BMAL1: variants seen among roughly 807,000 people sequenced by gnomAD.
BMAL1 encodes basic helix-loop-helix ARNT like 1.
At chr11:13,338,722 T>A in the BMAL1 span, among the ~76,000 whole-genome samples, 1 of 152,236 alleles carries the variant, frequency 6.6e-6, no homozygotes, top group Non-Finnish European at 1.5e-5. Flanking sequence ...CTCAGCTGTG[T>A]GATCTTGGAC....
chr11:13,380,972 G>A, the BMAL1 span: 1 of 558,224 alleles, frequency 1.8e-6, no homozygotes. Context: ...CTTTCAAGCT[G>A]CAGAGGCAGA....
At chr11:13,322,969 T>A in the BMAL1 span, among the ~76,000 whole-genome samples, 198 of 151,088 alleles carry the variant, frequency 1.3e-3, no homozygotes, top group African/African-American at 4.5e-3. Flanking sequence ...TTTTTTTTTT[T>A]AATTTTTTGT....
the BMAL1 span, among the ~76,000 whole-genome samples, chr11:13,298,970 T>C: frequency 2.0e-5 from 3 of 152,202 alleles, no homozygotes; most frequent in Non-Finnish European, 4.4e-5. Flanking sequence ...TTCAGATTTG[T>C]ATCTCAGGCG....
chr11:13,385,645 A>C, the BMAL1 span: 1 of 1,482,128 alleles, frequency 6.7e-7, no homozygotes, highest in Non-Finnish European at 9.4e-7. Flanking sequence ...GGCATTGCTC[A>C]TAATACTGAT....
chr11:13,318,360 C>G, the BMAL1 span, among the ~76,000 whole-genome samples: 2 of 152,128 alleles, frequency 1.3e-5, no homozygotes, highest in Non-Finnish European at 1.5e-5. Flanking sequence ...TCTCTCCTCT[C>G]TGTGGGATTT....
At chr11:13,284,077 GGTGTGTGTGTGTGTGTGTGTGT>G in the BMAL1 span, among the ~76,000 whole-genome samples, 1 of 85,632 alleles carries the variant, frequency 1.2e-5, no homozygotes, top group South Asian at 4.0e-4. Context: ...ACAGTGTTGG[GGTGTGTGTGTGTGTGTGTGTGT>G]GTGTGTGTGT....
chr11:13,303,852 C>T, the BMAL1 span, among the ~76,000 whole-genome samples: 2 of 152,064 alleles, frequency 1.3e-5, no homozygotes, highest in East Asian at 1.9e-4. Context: ...GGCCATGTGC[C>T]GCCTAAAAAA....
At chr11:13,295,311 G>A in the BMAL1 span, among the ~76,000 whole-genome samples, 1 of 143,188 alleles carries the variant, frequency 7.0e-6, no homozygotes, top group African/African-American at 2.5e-5. Context: ...TAGAGGGAGA[G>A]AGAGAGAGAC....
At chr11:13,346,364 C>G in the BMAL1 span, among the ~76,000 whole-genome samples, 5 of 152,160 alleles carry the variant, frequency 3.3e-5, no homozygotes, top group Non-Finnish European at 5.9e-5. Flanking sequence ...GGTGCTGGAG[C>G]AGGGACCAGG....
At chr11:13,296,655 T>C in the BMAL1 span, among the ~76,000 whole-genome samples, 2,311 of 152,358 alleles carry the variant, frequency 0.015, 61 homozygotes, top group African/African-American at 0.053. Context: ...ATTTAAACCC[T>C]GGGAGTGGTA....
At chr11:13,373,135 C>T in the BMAL1 span, among the ~76,000 whole-genome samples, 1 of 152,194 alleles carries the variant, frequency 6.6e-6, no homozygotes, top group South Asian at 2.1e-4. Flanking sequence ...ACATTTCCAT[C>T]ATCACAGAAA....
the BMAL1 span, among the ~76,000 whole-genome samples, chr11:13,372,836 GTC>G: frequency 2.6e-5 from 4 of 152,002 alleles, no homozygotes; most frequent in Non-Finnish European, 5.9e-5. Flanking sequence ...AATGATGAGA[GTC>G]TCTGTTAAAA....
chr11:13,308,356 G>T, the BMAL1 span, among the ~76,000 whole-genome samples: 15 of 152,178 alleles, frequency 9.9e-5, no homozygotes, highest in Admixed American at 9.8e-4. Context: ...TACTGGTCAG[G>T]AGTTCAGAGC....
chr11:13,282,315 A>G, the BMAL1 span, among the ~76,000 whole-genome samples: 1 of 152,286 alleles, frequency 6.6e-6, no homozygotes, highest in South Asian at 2.1e-4. Flanking sequence ...CCTACATCAG[A>G]GAGTTGAGGT....
the BMAL1 span, among the ~76,000 whole-genome samples, chr11:13,362,581 T>G: frequency 1.3e-5 from 2 of 151,802 alleles, no homozygotes; most frequent in Admixed American, 6.6e-5. Flanking sequence ...GATAAACACT[T>G]TAGGGTGGGA....
the BMAL1 span, among the ~76,000 whole-genome samples, chr11:13,361,834 C>T: frequency 1.3e-5 from 2 of 151,896 alleles, no homozygotes; most frequent in African/African-American, 4.8e-5. Flanking sequence ...GGTACCTTTG[C>T]CAGGTCTAAG....
chr11:13,374,261 C>T, the BMAL1 span: 11 of 1,462,198 alleles, frequency 7.5e-6, no homozygotes, highest in Non-Finnish European at 9.5e-6. Context: ...CTAGACTAGT[C>T]AACATGACCT....
chr11:13,385,920 T>C, the BMAL1 span: 2 of 735,352 alleles, frequency 2.7e-6, no homozygotes, highest in East Asian at 5.6e-5. Context: ...AGAATAAAAG[T>C]TTAAAATTTG....
the BMAL1 span, among the ~76,000 whole-genome samples, chr11:13,324,488 C>T: frequency 6.6e-6 from 1 of 152,220 alleles, no homozygotes; most frequent in Non-Finnish European, 1.5e-5. Context: ...ACGCTGGCCT[C>T]TATTCAAGTG....
Sources: allele counts gnomAD v4.1 joint callset (sites outside exome capture counted in the v4.1 genomes callset), GRCh38; gene constraint gnomAD v4.1.1; transcripts MANE v1.5; gene names NCBI Gene and HGNC (gene_info 2026-07-23, HGNC 2026-07-21).